NDC80: variants seen among roughly 807,000 people sequenced by gnomAD.
NDC80 encodes kinetochore protein NDC80 homolog.
A neutral mutation model predicts 89.3 loss-of-function variants in NDC80; 69 were observed. The observed-to-expected ratio is 0.77, with a 90% CI of 0.64 to 0.94. The LOEUF is 0.94. Ranked by LOEUF, NDC80 falls within the 40% of genes least tolerant of loss-of-function variation. The pLI is 0.00. For missense variants in NDC80, 593 were observed against 739.6 expected, an observed-to-expected ratio of 0.80 and a Z score of 2.30; for synonymous variants, 243 against 255.6, an observed-to-expected ratio of 0.95 and a Z score of 0.47.
chr18:2,604,418 C>T (rs1270968824), intron 13 of NDC80, among the ~76,000 whole-genome samples: 1 of 152,220 alleles, frequency 6.6e-6, no homozygotes, highest in African/African-American at 2.4e-5. Flanking sequence ...CATAGTGGCT[C>T]ACGCCTGTAA....
chr18:2,616,058 C>G (rs2072782240), intron 16 of NDC80, among the ~76,000 whole-genome samples: 1 of 152,082 alleles, frequency 6.6e-6, no homozygotes, highest in Non-Finnish European at 1.5e-5. Context: ...TAGCATCTTG[C>G]TCTGTGACAC....
intron 12 of NDC80, 23 bp from the exon 13 acceptor site, chr18:2,601,373 C>A (rs1331856444): frequency 3.4e-6 from 4 of 1,188,228 alleles, no homozygotes; most frequent in Non-Finnish European, 4.7e-6. Flanking sequence ...TATATGTCAC[C>A]CACATTCCTA....
chr18:2,589,277 T>G lies in NDC80; in HGVS notation c.837T>G (p.Ile279Met), dbSNP rs754246195. 6.2e-7 allele frequency: 1 copy of G among 1,613,744 alleles called. No individual in the cohort carries two copies. Among genetic ancestry groups the G allele is most frequent in the Non-Finnish European group, 8.5e-7 (1 of 1,179,704 alleles). Residue 279 changes from isoleucine (I) to methionine (M), a missense_variant, in exon 9 of 17, where the codon ATT becomes ATG. Coordinates refer to ENST00000261597, the MANE Select transcript of NDC80 (RefSeq NM_006101.3). ...AAAACAGAGCATTGAATGAACAGAT[T>G]GCAAGATTGGAACAAGAAAGAGAAA... ...EAKNRALNEQ[I>M]ARLEQEREKE...
intron 6 of NDC80, among the ~76,000 whole-genome samples, chr18:2,584,405 T>G (rs1214849909): frequency 6.6e-6 from 1 of 151,708 alleles, no homozygotes; most frequent in Non-Finnish European, 1.5e-5. Context: ...TTTTATATAT[T>G]TATAGTAATT....
At chr18:2,581,111 G>A (rs898191848) in intron 6 of NDC80, among the ~76,000 whole-genome samples, 7 of 152,048 alleles carry the variant, frequency 4.6e-5, no homozygotes, top group Non-Finnish European at 7.4e-5. Flanking sequence ...GTATTAATCC[G>A]TGAGAGACTG....
intron 3 of NDC80, among the ~76,000 whole-genome samples, chr18:2,576,772 G>A (rs534787653): frequency 1.3e-5 from 2 of 151,990 alleles, no homozygotes; most frequent in East Asian, 1.9e-4. Context: ...TTAAACAGGC[G>A]CATTTTATTC....
At chr18:2,585,350 A>C (rs2072598457) in intron 7 of NDC80, 148 bp downstream of exon 7, 1 of 618,810 alleles carries the variant, frequency 1.6e-6, no homozygotes, top group South Asian at 2.4e-5. Flanking sequence ...CATTTAATAC[A>C]CTTAACCTGC....
chr18:2,601,353 A>G, intron 12 of NDC80, 43 bp from the exon 13 acceptor site: 1 of 975,690 alleles, frequency 1.0e-6, no homozygotes, highest in Non-Finnish European at 1.5e-6. Context: ...GATATTTTGT[A>G]ATTAAATGTT....
At chr18:2,580,640 G>A (rs1357386069) in intron 6 of NDC80, among the ~76,000 whole-genome samples, 1 of 149,340 alleles carries the variant, frequency 6.7e-6, no homozygotes, top group Admixed American at 6.8e-5. Context: ...AGTTTCATTG[G>A]ACTTTATATA....
intron 15 of NDC80, among the ~76,000 whole-genome samples, chr18:2,609,860 G>A (rs577761543): frequency 2.0e-5 from 3 of 152,136 alleles, no homozygotes; most frequent in Non-Finnish European, 2.9e-5. Flanking sequence ...AGCTGGGTGC[G>A]GTTTTCTGCA....
chr18:2,599,146 T>C lies in NDC80; in HGVS notation c.1349T>C (p.Leu450Pro). Residue 450 changes from leucine to proline, a missense_variant, in exon 12 of 17, where the codon CTT (leucine) becomes CCT (proline). Leu to Pro is a moderately conservative substitution (Grantham distance 98, BLOSUM62 -3). Coordinates refer to ENST00000261597, the MANE Select transcript of NDC80 (RefSeq NM_006101.3). ...AATCCCGAGGCTGGTGCCAACTGCC[T>C]TGTCAAATACAGGGCTCAAGTTTAT... The part of the protein sequence containing the change: ...KFNPEAGANC[L>P]VKYRAQVYVP... The C allele has an allele frequency of 1.2e-6, 2 of 1,612,124 alleles. No homozygotes were observed. Among genetic ancestry groups the C allele is most frequent in the Non-Finnish European group, 8.5e-7 (1 of 1,179,228 alleles).
intron 2 of NDC80, among the ~76,000 whole-genome samples, chr18:2,573,876 T>A (rs2072532421): frequency 6.6e-6 from 1 of 152,172 alleles, no homozygotes; most frequent in South Asian, 2.1e-4. Context: ...CCATTGTCAA[T>A]GTTTTTTTGC....
intron 11 of NDC80, among the ~76,000 whole-genome samples, chr18:2,595,832 A>G (rs146913883): frequency 1.6e-4 from 25 of 152,344 alleles, no homozygotes; most frequent in Non-Finnish European, 3.1e-4. Context: ...TCATAACCCA[A>G]TGAAAAAGTA....
chr18:2,585,979 A>G (rs1317118425), intron 7 of NDC80, among the ~76,000 whole-genome samples: 1 of 152,180 alleles, frequency 6.6e-6, no homozygotes, highest in African/African-American at 2.4e-5. Context: ...CATTAGACAT[A>G]TTGCCCCTTA....
At chr18:2,585,604 C>G (rs769415845) in intron 7 of NDC80, among the ~76,000 whole-genome samples, 5 of 152,028 alleles carry the variant, frequency 3.3e-5, no homozygotes, top group African/African-American at 1.2e-4. Flanking sequence ...GTCAAACCAT[C>G]GTTAAGTCAG....
intron 2 of NDC80, 66 bp from the exon 3 acceptor site, chr18:2,574,923 T>G (rs2143628784): frequency 2.0e-6 from 2 of 1,017,342 alleles, no homozygotes; most frequent in Non-Finnish European, 2.9e-6. Flanking sequence ...TCTAATATAT[T>G]TCTAAAAGTT....
intron 1 of NDC80, among the ~76,000 whole-genome samples, chr18:2,572,318 T>C (rs913054380): frequency 6.6e-6 from 1 of 152,108 alleles, no homozygotes; most frequent in African/African-American, 2.4e-5. Context: ...CAATCATGTG[T>C]ATCCTAGGAG....
chr18:2,573,877 G>GT (rs1297655364), intron 2 of NDC80, among the ~76,000 whole-genome samples: 1 of 151,914 alleles, frequency 6.6e-6, no homozygotes, highest in African/African-American at 2.4e-5. Context: ...CATTGTCAAT[G>GT]TTTTTTTGCC....
chr18:2,578,142 G>A lies in NDC80; in HGVS notation c.476+1G>A. On this transcript the variant is annotated splice_donor_variant, in intron 5 of 16. Transcript: ENST00000261597. LOFTEE classifies it high-confidence loss of function. ...TTCCAAGAATCTTTAAAGACCTTGG[G>A]TATGTATATTTCTTATTAGTTTAGA... 3.1e-6 allele frequency: 5 copies of A among 1,612,314 alleles called. No homozygotes were observed. The highest frequency in any genetic ancestry group is 4.2e-6 in the Non-Finnish European group (5 of 1,179,160).
Sources: allele counts gnomAD v4.1 joint callset (sites outside exome capture counted in the v4.1 genomes callset), GRCh38; gene constraint gnomAD v4.1.1; transcripts MANE v1.5; gene names NCBI Gene and HGNC (gene_info 2026-07-23, HGNC 2026-07-21).